Variants in LARGE1 observed in about 807,000 individuals in gnomAD.
LARGE1 encodes xylosyl- and glucuronyltransferase LARGE1.
LARGE1 carries 43 observed loss-of-function variants against 87.6 expected under a neutral mutation model. That is an observed-to-expected ratio of 0.49 (90% CI 0.38 to 0.63). The LOEUF (loss-of-function observed/expected upper bound fraction) is 0.63. Among genes scored for constraint, LARGE1 ranks in the 30% least tolerant of loss-of-function variants. LARGE1 has a pLI of 0.00. For missense variants in LARGE1, 802 were observed against 1,000.2 expected, an observed-to-expected ratio of 0.80 and a Z score of 2.67; for synonymous variants, 434 against 394.6, an observed-to-expected ratio of 1.10 and a Z score of -1.18.
rs551266967 is a variant in LARGE1 at position 33,274,272 on chromosome 22, G to A, written c.*155C>T. 4.4e-4 allele frequency: 335 copies of A among 756,824 alleles called. 2 individuals carry two copies. The East Asian group carries it at 7.3e-3, about 17-fold the overall frequency. The allele number at this position is 756,824 out of a possible 1,614,324, so 46.9% of individuals were successfully genotyped here. On this transcript the variant is annotated 3_prime_UTR_variant, in exon 15 of 15. Coordinates refer to ENST00000397394, the MANE Select transcript of LARGE1 (RefSeq NM_133642.5). ...AGGGACTGGCTGGATCCTTGTCCAAGGTCTCTGTAGTGAGGGCAGCTTGGC... is the reference window on the plus strand; with the variant it reads ...AGGGACTGGCTGGATCCTTGTCCAAAGTCTCTGTAGTGAGGGCAGCTTGGC...
chr22:33,530,598 C>A (rs917085321), intron 6 of LARGE1, among the ~76,000 whole-genome samples: 1 of 152,008 alleles, frequency 6.6e-6, no homozygotes, highest in African/African-American at 2.4e-5. Context: ...TTTTCTCTGG[C>A]CTTACAAGAT....
intron 11 of LARGE1, among the ~76,000 whole-genome samples, chr22:33,203,093 CTCTCTCTCTGTGTGTG>C (rs1924489347): frequency 7.3e-6 from 1 of 137,290 alleles, no homozygotes; most frequent in African/African-American, 2.8e-5. Flanking sequence ...CTCTCTCTCT[CTCTCTCTCTGTGTGTG>C]TGTGTGTGTG....
chr22:33,186,968 T>TA (rs1484581154), intron 11 of LARGE1, among the ~76,000 whole-genome samples: 12 of 152,346 alleles, frequency 7.9e-5, no homozygotes, highest in Admixed American at 2.6e-4. Context: ...GTTCATGAAT[T>TA]ATGTATCCTG....
rs139710928 is a variant in LARGE1, at chr22:33,593,299, T to G, written c.615+11136A>C. Among the ~76,000 whole-genome samples the G allele has an allele frequency of 4.7e-3, 711 of 152,282 alleles. 22 individuals carry two copies. Among genetic ancestry groups the G allele is most frequent in the Admixed American group, 0.041 (630 of 15,292 alleles). On this transcript the variant is annotated intron_variant, in intron 5 of 14. Transcript: ENST00000397394. ...CTCAAGTGATCCACCCACCTCAGCC[T>G]CCCAAAGTGCTGGGATTACAGGCGT... is the stretch of plus-strand genomic sequence containing the variant.
In LARGE1 at chr22:33,246,446, G is replaced by T. The variant is rs371574321; in HGVS notation, c.1730+57783C>A. Among the ~76,000 whole-genome samples the T allele has an allele frequency of 3.9e-5, 6 of 152,252 alleles. No homozygotes were observed. The East Asian group carries it at 1.2e-3, about 29-fold the overall frequency. On this transcript the variant is annotated intron_variant, in intron 11 of 11. Transcript: ENST00000608642. ...GGATCACCTGAGGCCAGGAGTTCGA[G>T]ACCAGTCTGGCCAACGTGGCAAAAC...
At chr22:33,636,229 T>C (rs1164171503) in intron 3 of LARGE1, among the ~76,000 whole-genome samples, 1 of 152,202 alleles carries the variant, frequency 6.6e-6, no homozygotes, top group African/African-American at 2.4e-5. Context: ...AGGGAGATCA[T>C]ATCTGGGGTA....
chr22:33,238,022 C>T (rs888000886), intron 11 of LARGE1, among the ~76,000 whole-genome samples: 9 of 151,852 alleles, frequency 5.9e-5, no homozygotes, highest in East Asian at 3.9e-4. Context: ...AGGATGGGGA[C>T]GAGGAAAGGG....
intron 1 of LARGE1, among the ~76,000 whole-genome samples, chr22:33,784,144 TTTTG>T (rs1219392941): frequency 6.6e-6 from 1 of 152,214 alleles, no homozygotes; most frequent in Non-Finnish European, 1.5e-5. Flanking sequence ...TTTCGTTTCG[TTTTG>T]TTTAACAACT....
chr22:33,598,735 G>A (rs1321351640), intron 5 of LARGE1, among the ~76,000 whole-genome samples: 2 of 152,142 alleles, frequency 1.3e-5, no homozygotes, highest in African/African-American at 4.8e-5. Context: ...AGTATTCCAT[G>A]GTGTCTATGT....
At chr22:33,603,346 G>A (rs1331941298) in intron 5 of LARGE1, among the ~76,000 whole-genome samples, 1 of 152,168 alleles carries the variant, frequency 6.6e-6, no homozygotes, top group Non-Finnish European at 1.5e-5. Context: ...GTGCATTTCT[G>A]CAAAGTTACA....
chr22:33,115,295 C>T, the LARGE1 span, among the ~76,000 whole-genome samples: 1 of 152,010 alleles, frequency 6.6e-6, no homozygotes, highest in Non-Finnish European at 1.5e-5. Context: ...TCTCCAAGGC[C>T]AGGCCGGGCA....
At chr22:33,083,435 A>G in the LARGE1 span, among the ~76,000 whole-genome samples, 2,109 of 152,282 alleles carry the variant, frequency 0.014, 47 homozygotes, top group African/African-American at 0.047. Context: ...TTACAATACT[A>G]CACATTGTCA....
At chr22:33,365,899 AGCCACT>A (rs2064569944) in intron 9 of LARGE1, among the ~76,000 whole-genome samples, 1 of 152,214 alleles carries the variant, frequency 6.6e-6, no homozygotes, top group Non-Finnish European at 1.5e-5. Flanking sequence ...TACAGGCGTG[AGCCACT>A]GCACCTGGCC....
chr22:33,197,588 T>A (rs1044745006), intron 11 of LARGE1, among the ~76,000 whole-genome samples: 1 of 151,966 alleles, frequency 6.6e-6, no homozygotes, highest in Non-Finnish European at 1.5e-5. Context: ...ATAAAAGAAG[T>A]ATAATAGCCC....
rs115780454 is a variant in LARGE1 at position 33,670,361 on chromosome 22, A to G, written c.107-19693T>C. Among the ~76,000 whole-genome samples the G allele has an allele frequency of 7.7e-3, 1,173 of 151,920 alleles. 12 individuals carry two copies. Among genetic ancestry groups the G allele is most frequent in the African/African-American group, 0.027 (1,129 of 41,438 alleles). On this transcript the variant is annotated intron_variant, in intron 2 of 14. Coordinates refer to ENST00000397394, the MANE Select transcript of LARGE1 (RefSeq NM_133642.5). ...CCAGCTCAGTCTTAAAGATTAAGGG[A>G]AAAACTTCGAGGACTCATCACGTAC...
chr22:33,784,393 A>C (rs2085530372), intron 1 of LARGE1, among the ~76,000 whole-genome samples: 1 of 152,186 alleles, frequency 6.6e-6, no homozygotes, highest in Non-Finnish European at 1.5e-5. Context: ...TGATGGAACA[A>C]AAATATAAAC....
rs1928489172 is a variant in LARGE1 at position 33,273,201 on chromosome 22, T to G, written c.*1226A>C. 2.5e-6 allele frequency: 1 copy of G among 392,392 alleles called. No homozygotes were observed. Among genetic ancestry groups the G allele is most frequent in the African/African-American group, 2.1e-5 (1 of 48,490 alleles). The allele number at this position is 392,392 out of a possible 1,614,324, so 24.3% of individuals were successfully genotyped here. A position where few individuals can be genotyped will look rare whatever the true frequency, so the allele number is the denominator to read the frequency against. On this transcript the variant is annotated 3_prime_UTR_variant, in exon 15 of 15. Transcript: ENST00000397394. ...CTTGTTCTCATCAATGTAAACACAATATTAATATTGAAGATTAAAGAAAAT... is the reference window on the plus strand; with the variant it reads ...CTTGTTCTCATCAATGTAAACACAAGATTAATATTGAAGATTAAAGAAAAT...
intron 11 of LARGE1, among the ~76,000 whole-genome samples, chr22:33,226,799 G>A (rs1273772904): frequency 6.6e-6 from 1 of 151,406 alleles, no homozygotes; most frequent in Non-Finnish European, 1.5e-5. Context: ...GCACAATCTC[G>A]GCTCACTGCA....
At chr22:33,922,269 G>A (rs1470474129), upstream of LARGE1, among the ~76,000 whole-genome samples, 1 of 145,696 alleles carries the variant, frequency 6.9e-6, no homozygotes, top group African/African-American at 2.5e-5. Context: ...TCGAGGTCGG[G>A]CTGGGGGGGT....
Sources: gnomAD v4.1 joint callset for allele counts (sites outside exome capture counted in the v4.1 genomes callset) on GRCh38, gnomAD v4.1.1 for gene constraint, MANE v1.5 for transcripts, NCBI Gene and HGNC (gene_info 2026-07-23, HGNC 2026-07-21) for gene names.